HEPH: variants seen among roughly 807,000 people sequenced by gnomAD.
HEPH encodes hephaestin.
In HEPH, 69 loss-of-function variants were observed where a neutral mutation model predicts 80.8. The ratio of observed to expected loss-of-function variants is 0.85; its 90% confidence interval spans 0.70 to 1.04. The LOEUF is 1.04. Ranked by LOEUF, HEPH falls within the 50% of genes least tolerant of loss-of-function variation. The pLI is 0.00. For missense variants in HEPH, 1,115 were observed against 891.3 expected (o/e 1.25, Z -3.20); for synonymous variants, 431 against 322.8 (o/e 1.34, Z -3.60).
rs180923968 is a variant in HEPH, at chrX:66,189,878, A to G, written c.1003A>G (p.Met335Val). The change falls in exon 6 of 21, where the codon ATG (methionine) becomes GTG (valine). Residue 335 changes from methionine (M) to valine (V), a missense_variant. This residue lies in a region of HEPH where 391 missense variants were observed against 343.6 expected (regional missense o/e 1.14). Transcript: ENST00000343002. ...TCCAGCCACCTTTGTGACTGCTGAG[A>G]TGGTGCCCTGGGAACCTGGTACCTG... Reference protein sequence around the residue: ...IFPATFVTAEMVPWEPGTWLI... With the variant: ...IFPATFVTAEVVPWEPGTWLI... 1 of 1,198,973 alleles carries G rather than the reference A, an allele frequency of 8.3e-7. No homozygotes were observed. Among genetic ancestry groups the G allele is most frequent in the East Asian group, 3.0e-5 (1 of 33,298 alleles).
chrX:66,186,467 C>T (rs1417068618), intron 4 of HEPH, among the ~76,000 whole-genome samples: 1 of 112,287 alleles, frequency 8.9e-6, no homozygotes, highest in Non-Finnish European at 1.9e-5. Flanking sequence ...CCCGATTTTC[C>T]AGGTGCGTCC....
chrX:66,233,591 A>G (rs749690992), intron 15 of HEPH, among the ~76,000 whole-genome samples: 1 of 110,828 alleles, frequency 9.0e-6, no homozygotes, highest in South Asian at 3.8e-4. Flanking sequence ...TGCCAACATT[A>G]AACATTAAAA....
chrX:66,186,558 G>T (rs2087456066), intron 4 of HEPH, among the ~76,000 whole-genome samples: 1 of 112,735 alleles, frequency 8.9e-6, no homozygotes, highest in Admixed American at 9.3e-5. Context: ...CCCTGCTTCG[G>T]CTCGCGCATG....
chrX:66,212,188 T>A (rs1428480855), intron 15 of HEPH, among the ~76,000 whole-genome samples: 1 of 51,480 alleles, frequency 1.9e-5, no homozygotes, highest in Non-Finnish European at 3.1e-5. Flanking sequence ...TTTAATGTGT[T>A]TTTTTTTTTT....
chrX:66,240,725 C>T (rs554075311), intron 15 of HEPH, among the ~76,000 whole-genome samples: 2 of 111,985 alleles, frequency 1.8e-5, no homozygotes, highest in South Asian at 7.4e-4. Flanking sequence ...ATAGTTTACT[C>T]AGAATTCTGT....
chrX:66,197,957 T>G (rs1226592753), intron 10 of HEPH, 63 bp downstream of exon 10: 1 of 989,236 alleles, frequency 1.0e-6, no homozygotes, highest in East Asian at 3.3e-5. Context: ...GGTTGCTGGA[T>G]AGGAGTTAAG....
At chrX:66,162,801 A>C (rs143028997), upstream of HEPH, 1,819 of 1,152,807 alleles carry the variant, frequency 1.6e-3, 23 homozygotes, top group African/African-American at 0.027. Flanking sequence ...AGACACTTTA[A>C]ATTCAGAAGA....
At chrX:66,174,575 G>A (rs1333462606) in intron 4 of HEPH, among the ~76,000 whole-genome samples, 1 of 112,083 alleles carries the variant, frequency 8.9e-6, no homozygotes, top group Non-Finnish European at 1.9e-5. Context: ...AATTCATTAA[G>A]CAATCTCCAC....
At chrX:66,179,295 A>C (rs1196051501) in intron 4 of HEPH, among the ~76,000 whole-genome samples, 2 of 111,060 alleles carry the variant, frequency 1.8e-5, no homozygotes, top group African/African-American at 6.6e-5. Flanking sequence ...GTTGTTTTTC[A>C]TTGGTCTATA....
At chrX:66,238,038 C>G (rs2090429270) in intron 15 of HEPH, among the ~76,000 whole-genome samples, 3 of 111,711 alleles carry the variant, frequency 2.7e-5, no homozygotes, top group Admixed American at 1.9e-4. Flanking sequence ...TTCTTGAGGA[C>G]AGCATGCCAA....
chrX:66,266,559 G>T lies in HEPH; in HGVS notation c.3364G>T (p.Val1122Phe). The T allele has an allele frequency of 8.3e-7, 1 of 1,210,201 alleles. No homozygotes were observed. Among genetic ancestry groups the T allele is most frequent in the African/African-American group, 1.7e-5 (1 of 57,559 alleles). ...TGCCATTAGTGTCACCCTTCTGCTC[G>T]TTGTTCTGGCTCTTGGTGGAGTGGT... The part of the protein sequence containing the change: ...LVAISVTLLL[V>F]VLALGGVVWY... Residue 1122 changes from valine (V) to phenylalanine (F), a missense_variant, in exon 21 of 21, where the codon GTT becomes TTT. Val to Phe is a conservative substitution (Grantham distance 50). Transcript: ENST00000343002.
intron 15 of HEPH, among the ~76,000 whole-genome samples, chrX:66,231,826 T>C (rs1185925932): frequency 2.2e-4 from 23 of 106,436 alleles, no homozygotes; most frequent in African/African-American, 6.7e-4. Context: ...TGAATAGGAG[T>C]GGTGAGAGAG....
At chrX:66,195,657 T>C (rs1291696643) in intron 9 of HEPH, among the ~76,000 whole-genome samples, 2 of 111,587 alleles carry the variant, frequency 1.8e-5, no homozygotes, top group Non-Finnish European at 3.8e-5. Context: ...TTCTATGCCA[T>C]TAAAATGCTA....
chrX:66,252,154 G>T (rs887602330), intron 15 of HEPH, among the ~76,000 whole-genome samples: 1 of 111,773 alleles, frequency 8.9e-6, no homozygotes, highest in African/African-American at 3.2e-5. Context: ...TGTGAGGAGT[G>T]ATAATAATCA....
In HEPH at chrX:66,231,052, G is replaced by A. The variant is rs1482091758; in HGVS notation, c.2563+22806G>A. Reference sequence around the variant, plus strand: ...ATAGGGAATCCTTTCCCCATTGCTTGTTTTTCTCAGGTTTGTCAAAGATCA... The same window carrying A: ...ATAGGGAATCCTTTCCCCATTGCTTATTTTTCTCAGGTTTGTCAAAGATCA... On this transcript the variant is annotated intron_variant, in intron 15 of 20. Coordinates refer to ENST00000343002, the MANE Select transcript of HEPH (RefSeq NM_001367233.3). 8.5e-3 allele frequency among the ~76,000 whole-genome samples: 928 copies of A among 108,634 alleles called. 13 individuals are homozygous for A. Among genetic ancestry groups the A allele is most frequent in the African/African-American group, 0.028 (848 of 29,843 alleles). 94.3% of individuals were successfully genotyped at this position (108,634 alleles called of 115,157 possible). A position where few individuals can be genotyped will look rare whatever the true frequency, so the allele number is the denominator to read the frequency against.
chrX:66,213,182 C>A (rs2089225435), intron 15 of HEPH, among the ~76,000 whole-genome samples: 1 of 109,270 alleles, frequency 9.2e-6, no homozygotes, highest in South Asian at 4.0e-4. Flanking sequence ...TATCCCTCCC[C>A]CCTTCCCCCA....
At chrX:66,220,387 A>G (rs1360117721) in intron 15 of HEPH, among the ~76,000 whole-genome samples, 1 of 111,518 alleles carries the variant, frequency 9.0e-6, no homozygotes, top group African/African-American at 3.3e-5. Context: ...ATCCAGTCCA[A>G]CCCCATCGAT....
chrX:66,236,766 G>A (rs1480875085), intron 15 of HEPH, among the ~76,000 whole-genome samples: 1 of 111,183 alleles, frequency 9.0e-6, no homozygotes, highest in Non-Finnish European at 1.9e-5. Context: ...GGAGGATGTG[G>A]CTGGTAGGCT....
chrX:66,221,459 G>T (rs962099329), intron 15 of HEPH, among the ~76,000 whole-genome samples: 7 of 112,505 alleles, frequency 6.2e-5, no homozygotes, highest in African/African-American at 1.9e-4. Context: ...CCACAGCATG[G>T]GGGGCCTTTA....
Sources: allele counts gnomAD v4.1 joint callset (sites outside exome capture counted in the v4.1 genomes callset), GRCh38; gene constraint gnomAD v4.1.1; regional missense constraint gnomAD v4.1.1; transcripts MANE v1.5; gene names NCBI Gene and HGNC (gene_info 2026-07-23, HGNC 2026-07-21).